Variants in IL17RD observed in about 807,000 individuals in gnomAD.
IL17RD encodes interleukin-17 receptor D.
In IL17RD, 52 loss-of-function variants were observed where a neutral mutation model predicts 80.5. The observed-to-expected ratio is 0.65, with a 90% CI of 0.52 to 0.81. IL17RD has a LOEUF of 0.81. IL17RD is among the 40% of genes least tolerant of loss of function. The probability of loss-of-function intolerance (pLI) is 0.00; values close to 1 mark genes in which losing one functional copy is unlikely to be tolerated. For synonymous variants in IL17RD, 416 were observed against 391.8 expected (o/e 1.06, Z -0.73); for missense variants, 1,024 against 955.1 (o/e 1.07, Z -0.95).
chr3:57,156,132 G>A (rs1191608874), intron 1 of IL17RD, among the ~76,000 whole-genome samples: 1 of 152,202 alleles, frequency 6.6e-6, no homozygotes, highest in African/African-American at 2.4e-5. Context: ...CTGCAACGGG[G>A]AAGAAGGATG....
intron 5 of IL17RD, among the ~76,000 whole-genome samples, chr3:57,108,509 C>CT (rs34594516): frequency 0.62 from 29,796 of 48,246 alleles, 11,027 homozygotes; most frequent in Non-Finnish European, 0.66. Flanking sequence ...TGATACATGG[C>CT]TTTTTTTTTT....
At position 57,096,349 on chromosome 3, in the gene IL17RD, G is replaced by C. The variant is rs1354527389; in HGVS notation, c.*44C>G. The stretch of plus-strand genomic sequence containing the variant: ...AGGGAGATGAGCTGGGGAATCAGAG[G>C]GAGGCAGCAGCTAAAGTGGCAATGC... On this transcript the variant is annotated 3_prime_UTR_variant, in exon 13 of 13. Coordinates refer to ENST00000296318, the MANE Select transcript of IL17RD (RefSeq NM_017563.5). The C allele has an allele frequency of 7.8e-7, 1 of 1,286,692 alleles. No homozygotes were observed. Among genetic ancestry groups the C allele is most frequent in the South Asian group, 1.2e-5 (1 of 84,588 alleles). 79.7% of individuals were successfully genotyped at this position (1,286,692 alleles called of 1,614,324 possible).
chr3:57,117,078 T>C (rs993321439), intron 2 of IL17RD, among the ~76,000 whole-genome samples: 1 of 151,942 alleles, frequency 6.6e-6, no homozygotes. Flanking sequence ...TGTTTGGGTT[T>C]CTGTAAATAT....
chr3:57,109,022 A>C (rs1707031536), intron 5 of IL17RD, among the ~76,000 whole-genome samples: 1 of 152,144 alleles, frequency 6.6e-6, no homozygotes, highest in Non-Finnish European at 1.5e-5. Context: ...ACAAGCCAGG[A>C]GTGGGTCTAT....
At chr3:57,156,874 C>T (rs1209209178) in intron 1 of IL17RD, among the ~76,000 whole-genome samples, 1 of 152,192 alleles carries the variant, frequency 6.6e-6, no homozygotes, top group African/African-American at 2.4e-5. Context: ...TGGTCAGGCC[C>T]TGCTCAAAGT....
chr3:57,123,542 A>T (rs1456054620), intron 1 of IL17RD, among the ~76,000 whole-genome samples: 1 of 152,194 alleles, frequency 6.6e-6, no homozygotes, highest in Non-Finnish European at 1.5e-5. Flanking sequence ...TTCCTGACAC[A>T]TCGGTCTGAC....
At chr3:57,164,669 G>C (rs920659361) in intron 1 of IL17RD, among the ~76,000 whole-genome samples, 1 of 152,128 alleles carries the variant, frequency 6.6e-6, no homozygotes, top group South Asian at 2.1e-4. Context: ...AGAGCGGGGC[G>C]CATCCCTCCC....
intron 1 of IL17RD, among the ~76,000 whole-genome samples, chr3:57,151,215 A>G (rs1186376582): frequency 6.6e-6 from 1 of 152,178 alleles, no homozygotes; most frequent in East Asian, 1.9e-4. Context: ...TTCTAGCCCC[A>G]GAGTGATATA....
chr3:57,149,469 C>T (rs1229134586), intron 1 of IL17RD, among the ~76,000 whole-genome samples: 2 of 152,154 alleles, frequency 1.3e-5, no homozygotes, highest in African/African-American at 4.8e-5. Context: ...TATTGTCCCT[C>T]GAGTATAAAG....
chr3:57,105,552 A>AATATATAT (rs1553623051), intron 7 of IL17RD, among the ~76,000 whole-genome samples: 34 of 63,556 alleles, frequency 5.3e-4, no homozygotes, highest in African/African-American at 1.5e-3. Flanking sequence ...AAAAAAAAAA[A>AATATATAT]ATATATATAT....
Position 57,090,428 on chromosome 3 carries a change from G to A in IL17RD, c.*5965C>T, listed in dbSNP as rs146310393. ...AACTTTTTGTTGTTGTTGTTGAGACGGAGTTTCGCTCTTGTTGCCCAGGCT... is the reference window on the plus strand; with the variant it reads ...AACTTTTTGTTGTTGTTGTTGAGACAGAGTTTCGCTCTTGTTGCCCAGGCT... On this transcript the variant is annotated 3_prime_UTR_variant, in exon 13 of 13. Transcript: ENST00000296318. 1,501 of 153,708 alleles carry A rather than the reference G, an allele frequency of 9.8e-3. 46 individuals are homozygous for A. Among genetic ancestry groups the A allele is most frequent in the Non-Finnish European group, 9.7e-3 (673 of 69,152 alleles). The allele number at this position is 153,708 out of a possible 1,614,324, so 9.5% of individuals were successfully genotyped here.
chr3:57,169,191 G>A (rs1237037568), upstream of IL17RD: 6 of 510,418 alleles, frequency 1.2e-5, no homozygotes, highest in Admixed American at 1.2e-4. Flanking sequence ...ACCAGAAGAT[G>A]AGCTAGGGAA....
chr3:57,119,664 ATTCACCTTGTGTGAAT>A (rs1707292385), intron 2 of IL17RD, among the ~76,000 whole-genome samples: 2 of 17,892 alleles, frequency 1.1e-4, no homozygotes, highest in South Asian at 2.2e-3. Context: ...TTTCACACAG[ATTCACCTTGTGTGAAT>A]TTCACACAGA....
At chr3:57,105,752 G>A (rs1431198816) in intron 7 of IL17RD, 105 bp downstream of exon 7, 2 of 892,020 alleles carry the variant, frequency 2.2e-6, no homozygotes, top group African/African-American at 1.7e-5. Context: ...ACCAACCACT[G>A]AGAGCCAACA....
At chr3:57,104,107 C>T (rs1191581401) in intron 8 of IL17RD, among the ~76,000 whole-genome samples, 1 of 151,934 alleles carries the variant, frequency 6.6e-6, no homozygotes, top group Non-Finnish European at 1.5e-5. Context: ...AGATTTTAAA[C>T]CATGGTTATA....
chr3:57,155,857 C>G (rs2060263570), intron 1 of IL17RD, among the ~76,000 whole-genome samples: 1 of 152,214 alleles, frequency 6.6e-6, no homozygotes, highest in African/African-American at 2.4e-5. Context: ...TCCCAAAATG[C>G]TGGGATTACA....
In IL17RD at chr3:57,098,499, C is replaced by T. The variant is rs749572498; in HGVS notation, c.1204G>A (p.Glu402Lys). 4 of 1,612,316 alleles carry T rather than the reference C, an allele frequency of 2.5e-6. No individual in the cohort carries two copies. The highest frequency in any genetic ancestry group is 1.7e-6 in the Non-Finnish European group (2 of 1,178,866). The change falls in exon 12 of 13, where the codon GAA becomes AAA. Residue 402 changes from glutamate (E) to lysine (K), a missense_variant. Physicochemically the swap from Glu to Lys is moderately conservative, Grantham distance 56. Transcript: ENST00000296318. ...TGGATGACCCATTCTCTCTGCCCTT[C>T]TCTACAGAGGCTGAAGTCTTCCCAC... Reference protein sequence around the residue: ...DLWEDFSLCREGQREWVIQKI... With the variant: ...DLWEDFSLCRKGQREWVIQKI...
At position 57,098,557 on chromosome 3, in the gene IL17RD, A is replaced by ACC; in HGVS notation, c.1165-21_1165-20dup. On this transcript the variant is annotated intron_variant, in intron 11 of 12. Transcript: ENST00000296318. ...GAGCCACCTGGAAAGAGAACAAGGC[A>ACC]CCTCACCCATACAGAAGGCTCGGGA... The ACC allele has an allele frequency of 1.3e-6, 2 of 1,534,114 alleles. No homozygotes were observed. Among genetic ancestry groups the ACC allele is most frequent in the Non-Finnish European group, 1.8e-6 (2 of 1,129,268 alleles).
chr3:57,134,141 T>G (rs1014555161), intron 1 of IL17RD: 16 of 622,816 alleles, frequency 2.6e-5, no homozygotes, highest in Non-Finnish European at 4.5e-5. Flanking sequence ...CAGCCATGAG[T>G]ATGCTCAGGT....
Sources: allele counts gnomAD v4.1 joint callset (sites outside exome capture counted in the v4.1 genomes callset), GRCh38; gene constraint gnomAD v4.1.1; transcripts MANE v1.5; gene names NCBI Gene and HGNC (gene_info 2026-07-23, HGNC 2026-07-21).